The following CLASP1 variants were observed in gnomAD, a reference collection of about 807,000 sequenced individuals.
CLASP1 encodes the protein CLIP-associating protein 1.
In CLASP1, 38 loss-of-function variants were observed where a neutral mutation model predicts 192.3. That is an observed-to-expected ratio of 0.20 (90% CI 0.15 to 0.26). The LOEUF is 0.26. Among genes scored for constraint, CLASP1 ranks in the 10% least tolerant of loss-of-function variants. The pLI, the probability that CLASP1 is intolerant of heterozygous loss-of-function variation, is 1.00. For missense variants in CLASP1, 1,433 were observed against 1,932.5 expected (o/e 0.74, Z 4.85); for synonymous variants, 691 against 712.8 (o/e 0.97, Z 0.49).
chr2:121,556,418 C>T (rs1559603634), intron 2 of CLASP1, among the ~76,000 whole-genome samples: 1 of 152,160 alleles, frequency 6.6e-6, no homozygotes, highest in Non-Finnish European at 1.5e-5. Context: ...CCTCTCATTA[C>T]CTCTCTGAGC....
chr2:121,478,951 C>A (rs1575284790), intron 8 of CLASP1, among the ~76,000 whole-genome samples: 2 of 34,386 alleles, frequency 5.8e-5, no homozygotes, highest in African/African-American at 1.2e-4. Flanking sequence ...ACACACACAC[C>A]ACACACACAC....
chr2:121,634,997 C>T (rs1191186165), intron 1 of CLASP1, among the ~76,000 whole-genome samples: 2 of 152,118 alleles, frequency 1.3e-5, no homozygotes, highest in African/African-American at 2.4e-5. Flanking sequence ...CTCTCCCTGG[C>T]ATAAATCATG....
intron 1 of CLASP1, among the ~76,000 whole-genome samples, chr2:121,636,338 A>AATTAATAAT (rs113481788): frequency 7.2e-6 from 1 of 138,174 alleles, no homozygotes; most frequent in East Asian, 2.1e-4. Context: ...TCCATTTCAA[A>AATTAATAAT]AATAATAATA....
At chr2:121,381,304 C>CTT (rs77181666) in intron 33 of CLASP1, among the ~76,000 whole-genome samples, 233 of 144,438 alleles carry the variant, frequency 1.6e-3, no homozygotes, top group African/African-American at 5.6e-3. Flanking sequence ...AGTAACAGGT[C>CTT]TTTTTTTTTT....
At chr2:121,520,217 T>C in intron 6 of CLASP1, among the ~76,000 whole-genome samples, 1 of 152,164 alleles carries the variant, frequency 6.6e-6, no homozygotes, top group East Asian at 1.9e-4. Flanking sequence ...AACATCCTTC[T>C]CACCAGCACA....
At chr2:121,484,445 C>G (rs2092831633) in intron 8 of CLASP1, among the ~76,000 whole-genome samples, 1 of 152,166 alleles carries the variant, frequency 6.6e-6, no homozygotes, top group Admixed American at 6.5e-5. Context: ...AACAAACATC[C>G]CATGGTCCCC....
intron 2 of CLASP1, among the ~76,000 whole-genome samples, chr2:121,535,374 C>A (rs77883128): frequency 0.037 from 5,645 of 152,236 alleles, 157 homozygotes; most frequent in East Asian, 0.14. Flanking sequence ...GAAATGACAA[C>A]TTTTAAAGTT....
At chr2:121,572,634 A>G (rs943617649) in intron 2 of CLASP1, among the ~76,000 whole-genome samples, 7 of 152,060 alleles carry the variant, frequency 4.6e-5, no homozygotes, top group Admixed American at 4.6e-4. Context: ...TGGCTCACGC[A>G]CCTGTAATCC....
intron 2 of CLASP1, among the ~76,000 whole-genome samples, chr2:121,587,836 A>C (rs2061903563): frequency 6.6e-6 from 1 of 150,734 alleles, no homozygotes; most frequent in Admixed American, 6.6e-5. Flanking sequence ...ATCTCAAAAA[A>C]AAAAAGGAAA....
chr2:121,360,826 G>C (rs950056079), intron 37 of CLASP1, among the ~76,000 whole-genome samples: 2 of 152,186 alleles, frequency 1.3e-5, no homozygotes, highest in African/African-American at 2.4e-5. Flanking sequence ...CCACAAGTCA[G>C]TAACAGCAGC....
At chr2:121,473,884 AAAACTC>A (rs58911606) in intron 8 of CLASP1, among the ~76,000 whole-genome samples, 2,610 of 152,296 alleles carry the variant, frequency 0.017, 82 homozygotes, top group African/African-American at 0.06. Context: ...AGGCAAAATA[AAAACTC>A]AAACAAACAA....
chr2:121,564,604 C>A (rs534691911), intron 2 of CLASP1, among the ~76,000 whole-genome samples: 1 of 152,264 alleles, frequency 6.6e-6, no homozygotes, highest in East Asian at 1.9e-4. Context: ...AATTAGGAAT[C>A]CAAGTCCAAA....
intron 1 of CLASP1, among the ~76,000 whole-genome samples, chr2:121,643,115 T>G (rs948816854): frequency 1.3e-5 from 2 of 152,244 alleles, no homozygotes; most frequent in African/African-American, 4.8e-5. Flanking sequence ...AAACGCACCA[T>G]GCTATCAGAT....
chr2:121,530,769 G>A, intron 2 of CLASP1: 1 of 556,062 alleles, frequency 1.8e-6, no homozygotes, highest in African/African-American at 1.9e-5. Context: ...AGCTGTGGAG[G>A]CTGGAGGTAA....
chr2:121,388,792 G>T (rs1390092262), intron 30 of CLASP1, among the ~76,000 whole-genome samples: 1 of 152,112 alleles, frequency 6.6e-6, no homozygotes, highest in African/African-American at 2.4e-5. Context: ...GAAAGAAAAA[G>T]ACATAAAAAA....
chr2:121,594,483 C>T (rs1424575485), intron 2 of CLASP1, among the ~76,000 whole-genome samples: 1 of 151,082 alleles, frequency 6.6e-6, no homozygotes, highest in Non-Finnish European at 1.5e-5. Flanking sequence ...ACCTCCGCCT[C>T]CCGGGTTCAC....
intron 4 of CLASP1, among the ~76,000 whole-genome samples, chr2:121,528,217 C>CA (rs1575677733): frequency 1.3e-5 from 2 of 151,722 alleles, no homozygotes; most frequent in African/African-American, 4.9e-5. Context: ...ATCACACACT[C>CA]ACACTGGCCT....
chr2:121,602,393 C>G (rs2105884559), intron 2 of CLASP1, among the ~76,000 whole-genome samples: 1 of 152,184 alleles, frequency 6.6e-6, no homozygotes, highest in South Asian at 2.1e-4. Context: ...CAATAGCAAT[C>G]TACAGATTGA....
chr2:121,458,461 A>G (rs1488305541), intron 13 of CLASP1, among the ~76,000 whole-genome samples: 2 of 152,240 alleles, frequency 1.3e-5, no homozygotes, highest in African/African-American at 4.8e-5. Context: ...GGTGAACAGT[A>G]AAACCACAAG....
Sources: gnomAD v4.1 joint callset for allele counts (sites outside exome capture counted in the v4.1 genomes callset) on GRCh38, gnomAD v4.1.1 for gene constraint, MANE v1.5 for transcripts, NCBI Gene and HGNC (gene_info 2026-07-23, HGNC 2026-07-21) for gene names.